The following FHL5 variants were observed in gnomAD, a reference collection of about 807,000 sequenced individuals.
FHL5 encodes the protein four and a half LIM domains protein 5.
Under a neutral mutation model 32.0 loss-of-function variants are expected in FHL5, and 33 were observed. The observed-to-expected ratio is 1.03, with a 90% CI of 0.78 to 1.38. FHL5 has a LOEUF of 1.38. Among genes scored for constraint, FHL5 ranks in the 40% most tolerant of loss-of-function variants. FHL5 has a pLI of 0.00. For synonymous variants in FHL5, 114 were observed against 113.6 expected (o/e 1.00, Z -0.02); for missense variants, 336 against 343.9 (o/e 0.98, Z 0.18).
At chr6:96,596,327 G>A (rs1360534274) in intron 1 of FHL5, among the ~76,000 whole-genome samples, 1 of 151,924 alleles carries the variant, frequency 6.6e-6, no homozygotes, top group African/African-American at 2.4e-5. Context: ...TTATTCCTTA[G>A]GCGTGTGTTT....
Position 96,594,254 on chromosome 6 carries a change from TATATATATATATATATA to T in FHL5, c.-12-9347_-12-9331del, listed in dbSNP as rs1562059662. On this transcript the variant is annotated intron_variant, in intron 1 of 5. Transcript: ENST00000450218. ...ATATATATATATATATATATATATA[TATATATATATATATATA>T]TATGTATGTATGTATTTACTTCTTG... 1.9e-3 allele frequency among the ~76,000 whole-genome samples: 264 copies of T among 136,184 alleles called. 5 individuals are homozygous for T. The highest frequency in any genetic ancestry group is 3.7e-3 in the Middle Eastern group (1 of 270). The allele number at this position is 136,184 out of a possible 152,430, so 89.3% of individuals were successfully genotyped here.
intron 1 of FHL5, among the ~76,000 whole-genome samples, chr6:96,568,022 CTT>C (rs1770397704): frequency 6.6e-6 from 1 of 151,480 alleles, no homozygotes; most frequent in Non-Finnish European, 1.5e-5. Flanking sequence ...TTCCAGTACT[CTT>C]TTGAATAAAA....
chr6:96,595,519 C>T (rs1771018193), intron 1 of FHL5, among the ~76,000 whole-genome samples: 2 of 151,776 alleles, frequency 1.3e-5, no homozygotes, highest in Admixed American at 1.3e-4. Flanking sequence ...CCAACCTTTG[C>T]ATATTTCTCA....
At position 96,610,612 on chromosome 6, in the gene FHL5, G is replaced by A; in HGVS notation, c.545G>A (p.Trp182Ter). Reference protein sequence around the residue: ...SGGITFCDQLWHKECFLCSGC... With the variant: ...SGGITFCDQL ...GGGATAACATTTTGTGACCAGCTAT[G>A]GCATAAAGAGTGTTTTCTGTGTAGT... is the stretch of plus-strand genomic sequence containing the variant. The change falls in exon 5 of 6, where the codon TGG becomes TAG. Residue 182 changes from tryptophan (W) to a stop codon, truncating the protein, a stop_gained. Coordinates refer to ENST00000450218, the MANE Select transcript of FHL5 (RefSeq NM_001322466.2). LOFTEE classifies it high-confidence loss of function. 1 of 1,614,006 alleles carries A rather than the reference G, an allele frequency of 6.2e-7. No homozygotes were observed. Among genetic ancestry groups the A allele is most frequent in the South Asian group, 1.1e-5 (1 of 91,074 alleles).
intron 1 of FHL5, among the ~76,000 whole-genome samples, chr6:96,588,766 T>C (rs1582467173): frequency 6.6e-6 from 1 of 152,182 alleles, no homozygotes; most frequent in South Asian, 2.1e-4. Flanking sequence ...ACAGGAATGT[T>C]TTATATATTT....
chr6:96,599,318 C>T (rs905764822), intron 1 of FHL5, among the ~76,000 whole-genome samples: 24 of 151,702 alleles, frequency 1.6e-4, no homozygotes, highest in African/African-American at 5.1e-4. Flanking sequence ...GCCTCAGCCT[C>T]CCTCGTAGCT....
intron 1 of FHL5, among the ~76,000 whole-genome samples, chr6:96,563,760 G>A (rs1310474760): frequency 6.6e-6 from 1 of 152,054 alleles, no homozygotes; most frequent in African/African-American, 2.4e-5. Context: ...CATATTTTAT[G>A]ACTAGATTTA....
intron 1 of FHL5, among the ~76,000 whole-genome samples, chr6:96,579,316 G>A (rs1332399153): frequency 6.6e-6 from 1 of 152,028 alleles, no homozygotes; most frequent in Non-Finnish European, 1.5e-5. Context: ...GTTTGATTTT[G>A]ATCAGTACCA....
chr6:96,615,066 C>A (rs1486704215), intron 5 of FHL5, among the ~76,000 whole-genome samples: 1 of 152,108 alleles, frequency 6.6e-6, no homozygotes, highest in African/African-American at 2.4e-5. Context: ...AACCGTATAA[C>A]CCCAGGACAT....
At chr6:96,580,494 A>C (rs1401707733) in intron 1 of FHL5, among the ~76,000 whole-genome samples, 1 of 152,202 alleles carries the variant, frequency 6.6e-6, no homozygotes, top group Non-Finnish European at 1.5e-5. Context: ...ACAACTTATA[A>C]ATGTGCCCTT....
intron 1 of FHL5, among the ~76,000 whole-genome samples, chr6:96,582,673 G>C (rs1310914003): frequency 2.0e-5 from 3 of 152,118 alleles, no homozygotes; most frequent in African/African-American, 7.2e-5. Flanking sequence ...AAGACATTCA[G>C]CTTCCAACAA....
At chr6:96,567,304 G>A (rs998384787) in intron 1 of FHL5, among the ~76,000 whole-genome samples, 1 of 151,816 alleles carries the variant, frequency 6.6e-6, no homozygotes, top group African/African-American at 2.4e-5. Context: ...CTGTAAATAT[G>A]TGAATTTATT....
chr6:96,588,063 C>A (rs1002935674), intron 1 of FHL5, among the ~76,000 whole-genome samples: 1 of 152,194 alleles, frequency 6.6e-6, no homozygotes. Context: ...AAGTTTCTCT[C>A]AAATTTACAC....
chr6:96,588,108 T>C (rs1770838073), intron 1 of FHL5, among the ~76,000 whole-genome samples: 1 of 152,192 alleles, frequency 6.6e-6, no homozygotes, highest in South Asian at 2.1e-4. Context: ...ACATGAAAGG[T>C]ATATGTTCAA....
At chr6:96,613,184 C>T (rs1370070766) in intron 5 of FHL5, among the ~76,000 whole-genome samples, 1 of 151,894 alleles carries the variant, frequency 6.6e-6, no homozygotes, top group Non-Finnish European at 1.5e-5. Context: ...TTCCACAATG[C>T]ATACATATAC....
At chr6:96,602,971 G>C (rs1386948293) in intron 1 of FHL5, among the ~76,000 whole-genome samples, 1 of 152,136 alleles carries the variant, frequency 6.6e-6, no homozygotes, top group Non-Finnish European at 1.5e-5. Flanking sequence ...GATATCTAAA[G>C]CTAGCAGAAA....
chr6:96,590,563 G>A (rs1367609997), intron 1 of FHL5, among the ~76,000 whole-genome samples: 1 of 151,932 alleles, frequency 6.6e-6, no homozygotes, highest in African/African-American at 2.4e-5. Context: ...CAAATAATGA[G>A]TTTGTTTCCT....
chr6:96,615,736 C>T lies in FHL5; in HGVS notation c.819C>T (p.Cys273=). The T allele has an allele frequency of 6.2e-7, 1 of 1,611,314 alleles. No homozygotes were observed. Among genetic ancestry groups the T allele is most frequent in the Non-Finnish European group, 8.5e-7 (1 of 1,178,830 alleles). ...TGACCCAGAACAAGGAAATCTTCTG[C>T]CAAAAATGTGGCTCCGGAATGGACA... The part of the protein sequence containing the change: ...GFLTQNKEIF[C]QKCGSGMDTD... Residue 273 remains cysteine (C), a synonymous_variant, in exon 6 of 6, where the codon TGC becomes TGT. Transcript: ENST00000450218.
In FHL5 at chr6:96,616,897, C is replaced by T. The variant is rs1025204477; in HGVS notation, c.*1125C>T. ...ACAATAGAGTAATGTGGGCTGTAGGCGAGCCCTCCCCACTCTTCCCCCACA... is the reference window on the plus strand; with the variant it reads ...ACAATAGAGTAATGTGGGCTGTAGGTGAGCCCTCCCCACTCTTCCCCCACA... On this transcript the variant is annotated 3_prime_UTR_variant, in exon 6 of 6. Transcript: ENST00000450218. Among the ~76,000 whole-genome samples the T allele has an allele frequency of 1.4e-5, 2 of 146,636 alleles. No homozygotes were observed. Among genetic ancestry groups the T allele is most frequent in the Admixed American group, 6.8e-5 (1 of 14,796 alleles).
Sources: allele counts gnomAD v4.1 joint callset (sites outside exome capture counted in the v4.1 genomes callset), GRCh38; gene constraint gnomAD v4.1.1; transcripts MANE v1.5; gene names NCBI Gene and HGNC (gene_info 2026-07-23, HGNC 2026-07-21).